The following ATPSCKMT variants were observed in gnomAD, a reference collection of about 807,000 sequenced individuals.
The protein encoded by ATPSCKMT is ATP synthase c subunit lysine N-methyltransferase.
Under a neutral mutation model 24.3 loss-of-function variants are expected in ATPSCKMT, and 24 were observed. That is an observed-to-expected ratio of 0.99 (90% CI 0.71 to 1.39). The LOEUF is 1.39. ATPSCKMT is among the 40% of genes most tolerant of loss of function. The probability of loss-of-function intolerance (pLI) is 0.00; values close to 1 mark genes in which losing one functional copy is unlikely to be tolerated. For missense variants in ATPSCKMT, 311 were observed against 298.4 expected (o/e 1.04, Z -0.31); for synonymous variants, 95 against 110.5 (o/e 0.86, Z 0.88).
chr5:10,242,171 C>T (rs1279573257), intron 1 of ATPSCKMT, among the ~76,000 whole-genome samples: 1 of 152,124 alleles, frequency 6.6e-6, no homozygotes, highest in Non-Finnish European at 1.5e-5. Flanking sequence ...TATTGATAGA[C>T]TCTTCCCTTC....
At chr5:10,245,071 TA>T (rs1169329413) in intron 1 of ATPSCKMT, among the ~76,000 whole-genome samples, 1 of 152,326 alleles carries the variant, frequency 6.6e-6, no homozygotes, top group South Asian at 2.1e-4. Context: ...TAACACAAGG[TA>T]AGTTGTTACT....
intron 3 of ATPSCKMT, 132 bp downstream of exon 3, chr5:10,236,346 C>T (rs1744368453): frequency 8.7e-7 from 1 of 1,149,180 alleles, no homozygotes; most frequent in Non-Finnish European, 1.2e-6. Flanking sequence ...TTACATATTT[C>T]ATTATGCCAG....
chr5:10,237,747 T>C lies in ATPSCKMT; in HGVS notation c.307-1132A>G, dbSNP rs184154362. Among the ~76,000 whole-genome samples, 157 of 134,216 alleles carry C rather than the reference T, an allele frequency of 1.2e-3. 1 individual carries two copies. The Middle Eastern group carries it at 0.023, about 20-fold the overall frequency. 88.1% of individuals were successfully genotyped at this position (134,216 alleles called of 152,430 possible). On this transcript the variant is annotated intron_variant, in intron 2 of 4. Coordinates refer to ENST00000511437, the MANE Select transcript of ATPSCKMT (RefSeq NM_199133.4). ...TATCAGCAGCATGAAAACAGACTAA[T>C]ATATTTCTTTTTTTTTTGAGATGGA...
chr5:10,242,763 C>T (rs1157683722), intron 1 of ATPSCKMT, among the ~76,000 whole-genome samples: 1 of 152,216 alleles, frequency 6.6e-6, no homozygotes, highest in Non-Finnish European at 1.5e-5. Flanking sequence ...AAAATTACCC[C>T]CTTGATCCTT....
At chr5:10,245,256 T>TA (rs1211340250) in intron 1 of ATPSCKMT, among the ~76,000 whole-genome samples, 1 of 151,278 alleles carries the variant, frequency 6.6e-6, no homozygotes, top group East Asian at 2.0e-4. Flanking sequence ...CTGTCTCTAC[T>TA]AAAAATCAAA....
At chr5:10,242,777 C>A (rs1185329417) in intron 1 of ATPSCKMT, among the ~76,000 whole-genome samples, 4 of 152,198 alleles carry the variant, frequency 2.6e-5, no homozygotes, top group Admixed American at 2.6e-4. Context: ...GATCCTTGGG[C>A]TACAAAATGA....
chr5:10,239,569 C>T (rs1744532401), intron 1 of ATPSCKMT, among the ~76,000 whole-genome samples: 1 of 152,174 alleles, frequency 6.6e-6, no homozygotes, highest in Non-Finnish European at 1.5e-5. Context: ...TATGAGAAGA[C>T]TAAAATCTTT....
chr5:10,236,672 C>A, intron 2 of ATPSCKMT, 57 bp from the exon 3 acceptor site: 1 of 1,593,598 alleles, frequency 6.3e-7, no homozygotes, highest in Non-Finnish European at 8.5e-7. Flanking sequence ...CATACATGGT[C>A]AAACAATATG....
chr5:10,236,909 C>CG (rs1744401101), intron 2 of ATPSCKMT: 5 of 1,382,672 alleles, frequency 3.6e-6, no homozygotes, highest in Non-Finnish European at 4.8e-6. Context: ...AGCCAACCCC[C>CG]GGGGAGGTCG....
At chr5:10,231,020 T>C (rs1439450920) in intron 4 of ATPSCKMT, among the ~76,000 whole-genome samples, 1 of 152,084 alleles carries the variant, frequency 6.6e-6, no homozygotes, top group Non-Finnish European at 1.5e-5. Context: ...GCCAGCCTGA[T>C]GTCATGTACA....
chr5:10,227,793 C>T (rs1743951510), intron 4 of ATPSCKMT, 146 bp from the exon 5 acceptor site: 3 of 673,130 alleles, frequency 4.5e-6, no homozygotes, highest in African/African-American at 3.6e-5. Flanking sequence ...AACACATAAA[C>T]AAACAATCCA....
intron 4 of ATPSCKMT, among the ~76,000 whole-genome samples, 167 bp from the exon 5 acceptor site, chr5:10,227,814 G>GA (rs1743952666): frequency 6.6e-6 from 1 of 152,098 alleles, no homozygotes; most frequent in Non-Finnish European, 1.5e-5. Context: ...TTGAAATACA[G>GA]AAGATACACT....
At chr5:10,237,186 G>T (rs1200134257) in intron 2 of ATPSCKMT, 1 of 477,536 alleles carries the variant, frequency 2.1e-6, no homozygotes, top group Non-Finnish European at 3.7e-6. Flanking sequence ...AGAGTGGGAG[G>T]GATGTGGGGC....
intron 1 of ATPSCKMT, among the ~76,000 whole-genome samples, chr5:10,244,909 CA>C (rs60578858): frequency 0.51 from 70,586 of 137,110 alleles, 18,847 homozygotes; most frequent in Non-Finnish European, 0.63. Flanking sequence ...CCCTGGTTGT[CA>C]AAAAAAAAAA....
chr5:10,241,200 T>G (rs529241783), intron 1 of ATPSCKMT, among the ~76,000 whole-genome samples: 59 of 152,130 alleles, frequency 3.9e-4, no homozygotes, highest in African/African-American at 1.3e-3. Flanking sequence ...GACATCACCT[T>G]CTCTCACATG....
intron 4 of ATPSCKMT, 93 bp downstream of exon 4, chr5:10,235,118 A>C: frequency 8.9e-7 from 1 of 1,128,468 alleles, no homozygotes; most frequent in Non-Finnish European, 1.3e-6. Flanking sequence ...CTGGGAGGCC[A>C]TCACCCTCAC....
Position 10,226,000 on chromosome 5 carries a change from G to C in ATPSCKMT, c.*1441C>G, listed in dbSNP as rs994455182. ...CACAGAAAGAACTCATTCTTCATAA[G>C]AAGACTGGAGCTACTGAAAAAGGGA... On this transcript the variant is annotated 3_prime_UTR_variant, in exon 5 of 5. Coordinates refer to ENST00000511437, the MANE Select transcript of ATPSCKMT (RefSeq NM_199133.4). 6.6e-6 allele frequency among the ~76,000 whole-genome samples: 1 copy of C among 152,124 alleles called. No homozygotes were observed. Among genetic ancestry groups the C allele is most frequent in the Non-Finnish European group, 1.5e-5 (1 of 68,036 alleles).
intron 1 of ATPSCKMT, among the ~76,000 whole-genome samples, chr5:10,244,909 CAA>C (rs60578858): frequency 1.5e-3 from 207 of 137,074 alleles, no homozygotes; most frequent in South Asian, 5.4e-3. Context: ...CCCTGGTTGT[CAA>C]AAAAAAAAAA....
intron 1 of ATPSCKMT, among the ~76,000 whole-genome samples, chr5:10,240,863 T>C (rs1032808709): frequency 6.6e-6 from 1 of 151,498 alleles, no homozygotes; most frequent in Non-Finnish European, 1.5e-5. Context: ...GGCGTGGTGG[T>C]GCATGCTTGT....
Sources: allele counts gnomAD v4.1 joint callset (sites outside exome capture counted in the v4.1 genomes callset), GRCh38; gene constraint gnomAD v4.1.1; transcripts MANE v1.5; gene names NCBI Gene and HGNC (gene_info 2026-07-23, HGNC 2026-07-21).